Variants in TEX101 observed in about 807,000 individuals in gnomAD.
TEX101 encodes the protein testis-expressed protein 101.
In TEX101, 10 loss-of-function variants were observed where a neutral mutation model predicts 18.1. That is an observed-to-expected ratio of 0.55 (90% CI 0.34 to 0.94). The LOEUF (loss-of-function observed/expected upper bound fraction) is 0.94, where lower values mean the gene tolerates loss of function less well. Ranked by LOEUF, TEX101 falls within the 40% of genes least tolerant of loss-of-function variation. The probability of loss-of-function intolerance (pLI) is 0.02; values close to 1 mark genes in which losing one functional copy is unlikely to be tolerated. For synonymous variants in TEX101, 94 were observed against 114.8 expected (o/e 0.82, Z 1.16); for missense variants, 259 against 298.9 (o/e 0.87, Z 0.98).
the TEX101 span, among the ~76,000 whole-genome samples, chr19:43,395,726 GT>G: frequency 6.6e-6 from 1 of 152,230 alleles, no homozygotes; most frequent in Non-Finnish European, 1.5e-5. Flanking sequence ...GTAGGTTCCT[GT>G]TAGGTTGGGA....
the TEX101 span, among the ~76,000 whole-genome samples, chr19:43,394,672 G>A: frequency 4.6e-5 from 7 of 151,976 alleles, no homozygotes; most frequent in Admixed American, 6.6e-5. Context: ...GGGTTTCACC[G>A]TGTTAGCCAG....
chr19:43,406,556 TATTA>T lies in TEX101; in HGVS notation c.15+41_15+44del, dbSNP rs762933736. On this transcript the variant is annotated intron_variant, in intron 3 of 7. Transcript: ENST00000602198. ...TTGCGGGCTGTGGGTGAAATTCCATTATTAATTGTTTTTTCACTAACCTGGTGGG... is the reference window on the plus strand; with the variant it reads ...TTGCGGGCTGTGGGTGAAATTCCATTATTGTTTTTTCACTAACCTGGTGGG... 12 of 670,274 alleles carry T rather than the reference TATTA, an allele frequency of 1.8e-5. 1 individual carries two copies. Among genetic ancestry groups the T allele is most frequent in the South Asian group, 1.4e-4 (8 of 59,226 alleles). 41.5% of individuals were successfully genotyped at this position (670,274 alleles called of 1,614,324 possible).
chr19:43,414,125 AAAGGG>A (rs575439213), upstream of TEX101, among the ~76,000 whole-genome samples: 106 of 148,502 alleles, frequency 7.1e-4, no homozygotes, highest in African/African-American at 2.3e-3. Flanking sequence ...AGTCTGTCAA[AAAGGG>A]AAGGGAAGGG....
In TEX101 at chr19:43,418,499, GA is replaced by G; in HGVS notation, c.*104del. Reference sequence around the variant, plus strand: ...GAGGAGTAGATGGGAATTTGAGGGAGAATACAGAGATACTATGAACGTATTT... The same window carrying G: ...GAGGAGTAGATGGGAATTTGAGGGAGATACAGAGATACTATGAACGTATTT... On this transcript the variant is annotated 3_prime_UTR_variant, in exon 6 of 6. Transcript: ENST00000598265. The G allele has an allele frequency of 2.2e-6, 2 of 906,508 alleles. No individual in the cohort carries two copies. Among genetic ancestry groups the G allele is most frequent in the Non-Finnish European group, 3.4e-6 (2 of 587,144 alleles). 56.2% of individuals were successfully genotyped at this position (906,508 alleles called of 1,614,324 possible). A position where few individuals can be genotyped will look rare whatever the true frequency, so the allele number is the denominator to read the frequency against.
intron 1 of TEX101, 79 bp from the exon 2 acceptor site, chr19:43,415,802 C>T: frequency 1.6e-6 from 2 of 1,255,564 alleles, no homozygotes; most frequent in South Asian, 1.3e-5. Flanking sequence ...ACCCTGAAGT[C>T]AGTACTTGCC....
the TEX101 span, among the ~76,000 whole-genome samples, chr19:43,395,929 A>T: frequency 6.6e-6 from 1 of 152,198 alleles, no homozygotes; most frequent in African/African-American, 2.4e-5. Context: ...CTCCTGAGCC[A>T]GGTGTGCATT....
At chr19:43,393,637 C>T in the TEX101 span, among the ~76,000 whole-genome samples, 1 of 152,174 alleles carries the variant, frequency 6.6e-6, no homozygotes, top group African/African-American at 2.4e-5. Context: ...CATGAATCCC[C>T]ATTCATTACA....
chr19:43,399,327 T>C (rs998517214), upstream of TEX101, among the ~76,000 whole-genome samples: 3 of 152,292 alleles, frequency 2.0e-5, no homozygotes, highest in South Asian at 4.2e-4. Flanking sequence ...GATTGATCCA[T>C]GGGTTCAGGT....
chr19:43,411,148 C>T (rs1029647500), upstream of TEX101, among the ~76,000 whole-genome samples: 1 of 152,234 alleles, frequency 6.6e-6, no homozygotes, highest in African/African-American at 2.4e-5. Flanking sequence ...ACAATCTTGA[C>T]TCACTGCAGC....
At chr19:43,402,750 T>G (rs1970328942) in intron 1 of TEX101, 1 of 152,218 alleles carries the variant, frequency 6.6e-6, no homozygotes, top group Non-Finnish European at 1.5e-5. Flanking sequence ...CCGGCTAATT[T>G]TTTTGTATTT....
At chr19:43,407,756 G>A (rs561126517) in intron 3 of TEX101, among the ~76,000 whole-genome samples, 4 of 152,336 alleles carry the variant, frequency 2.6e-5, no homozygotes, top group South Asian at 4.1e-4. Context: ...ATGAAGCCTC[G>A]GCTGGCCTGG....
At chr19:43,410,534 C>T (rs955036248), upstream of TEX101, among the ~76,000 whole-genome samples, 2 of 151,988 alleles carry the variant, frequency 1.3e-5, no homozygotes, top group Non-Finnish European at 2.9e-5. Context: ...ATACGGAGGG[C>T]CTGAGGTATG....
chr19:43,404,741 TTATATA>T (rs1017217019), intron 2 of TEX101, among the ~76,000 whole-genome samples: 5 of 151,502 alleles, frequency 3.3e-5, no homozygotes, highest in African/African-American at 1.2e-4. Context: ...TAATAATAAA[TTATATA>T]TATGTTAGGT....
At chr19:43,392,391 G>T in the TEX101 span, among the ~76,000 whole-genome samples, 1 of 151,974 alleles carries the variant, frequency 6.6e-6, no homozygotes, top group African/African-American at 2.4e-5. Flanking sequence ...AGAGTGAGGG[G>T]AGAGAGAAAG....
At chr19:43,391,757 C>T in the TEX101 span, among the ~76,000 whole-genome samples, 6 of 152,152 alleles carry the variant, frequency 3.9e-5, no homozygotes, top group Non-Finnish European at 8.8e-5. Context: ...GGGTCGTTCC[C>T]GGTCTGTGGC....
the TEX101 span, among the ~76,000 whole-genome samples, chr19:43,389,815 C>T: frequency 4.6e-5 from 7 of 152,212 alleles, no homozygotes; most frequent in Non-Finnish European, 1.0e-4. Flanking sequence ...CCATGTCCTA[C>T]ATCTCTCTCT....
At chr19:43,403,897 G>A (rs910345861) in intron 2 of TEX101, among the ~76,000 whole-genome samples, 1 of 151,896 alleles carries the variant, frequency 6.6e-6, no homozygotes, top group Non-Finnish European at 1.5e-5. Flanking sequence ...AAATTAGCCG[G>A]GCATGGTGGC....
chr19:43,393,771 G>A, the TEX101 span, among the ~76,000 whole-genome samples: 1 of 151,106 alleles, frequency 6.6e-6, no homozygotes, highest in South Asian at 2.1e-4. Flanking sequence ...CCACTTTCCA[G>A]AGAGGAAGCT....
At chr19:43,403,562 ACC>A (rs1970336014) in intron 2 of TEX101, among the ~76,000 whole-genome samples, 1 of 152,170 alleles carries the variant, frequency 6.6e-6, no homozygotes, top group Non-Finnish European at 1.5e-5. Context: ...GTGCACATGT[ACC>A]CTAGAACTTA....
Sources: gnomAD v4.1 joint callset for allele counts (sites outside exome capture counted in the v4.1 genomes callset) on GRCh38, gnomAD v4.1.1 for gene constraint, MANE v1.5 for transcripts, NCBI Gene and HGNC (gene_info 2026-07-23, HGNC 2026-07-21) for gene names.